AGBL3: variants seen among roughly 807,000 people sequenced by gnomAD.
AGBL3 encodes the protein cytosolic carboxypeptidase 3.
Under a neutral mutation model 94.5 loss-of-function variants are expected in AGBL3, and 68 were observed. The observed-to-expected ratio is 0.72, with a 90% CI of 0.59 to 0.88. The LOEUF (loss-of-function observed/expected upper bound fraction) is 0.88. AGBL3 is among the 40% of genes least tolerant of loss of function. The pLI, the probability that AGBL3 is intolerant of heterozygous loss-of-function variation, is 0.00. For missense variants in AGBL3, 934 were observed against 1,103.8 expected, an observed-to-expected ratio of 0.85 and a Z score of 2.18; for synonymous variants, 354 against 370.7, an observed-to-expected ratio of 0.95 and a Z score of 0.52.
chr7:134,995,690 G>A (rs1314320591), intron 4 of AGBL3: 1 of 152,298 alleles, frequency 6.6e-6, no homozygotes, highest in Non-Finnish European at 1.5e-5. Flanking sequence ...CCACCCTGGT[G>A]AAGGTGCAAC....
chr7:135,111,348 A>G (rs1417664482), intron 15 of AGBL3, among the ~76,000 whole-genome samples: 1 of 152,062 alleles, frequency 6.6e-6, no homozygotes, highest in Non-Finnish European at 1.5e-5. Flanking sequence ...TTCTCAACCT[A>G]CTGCTTGAGA....
At chr7:135,128,134 A>G (rs1332920062) in intron 16 of AGBL3, among the ~76,000 whole-genome samples, 1 of 151,870 alleles carries the variant, frequency 6.6e-6, no homozygotes, top group Non-Finnish European at 1.5e-5. Context: ...TCTACTAAAA[A>G]TACAAAAATT....
chr7:135,063,633 A>G (rs1050016528), intron 12 of AGBL3, among the ~76,000 whole-genome samples: 3 of 151,968 alleles, frequency 2.0e-5, no homozygotes, highest in Admixed American at 6.6e-5. Context: ...TTACTGACCC[A>G]TTGGCTGTTC....
intron 5 of AGBL3, among the ~76,000 whole-genome samples, chr7:135,028,251 A>T (rs1363631772): frequency 2.6e-5 from 4 of 150,976 alleles, no homozygotes; most frequent in Non-Finnish European, 5.9e-5. Flanking sequence ...GACATAATTG[A>T]CTCTTCATGA....
intron 15 of AGBL3, among the ~76,000 whole-genome samples, chr7:135,114,577 CCT>C (rs780645142): frequency 6.6e-6 from 1 of 151,696 alleles, no homozygotes; most frequent in Admixed American, 6.6e-5. Flanking sequence ...ACCACTGATT[CCT>C]CTCTTATTCT....
At chr7:135,129,014 C>T in intron 16 of AGBL3, 1 of 1,605,326 alleles carries the variant, frequency 6.2e-7, no homozygotes, top group Non-Finnish European at 8.5e-7. Context: ...GTCTGAAGGA[C>T]TACTTTGAAA....
At chr7:135,091,975 G>T (rs1002579032) in intron 15 of AGBL3, among the ~76,000 whole-genome samples, 1 of 152,188 alleles carries the variant, frequency 6.6e-6, no homozygotes, top group Non-Finnish European at 1.5e-5. Flanking sequence ...ATTTCTTAAA[G>T]AATTTAATCT....
At chr7:134,998,529 A>G (rs1487783484) in intron 4 of AGBL3, among the ~76,000 whole-genome samples, 2 of 152,178 alleles carry the variant, frequency 1.3e-5, no homozygotes, top group Non-Finnish European at 2.9e-5. Flanking sequence ...AAGAGTTGTT[A>G]GGCTTAGCCA....
intron 12 of AGBL3, among the ~76,000 whole-genome samples, chr7:135,068,575 A>G (rs529140625): frequency 3.3e-5 from 5 of 152,226 alleles, no homozygotes; most frequent in African/African-American, 1.2e-4. Context: ...AGTGGGGGCC[A>G]ATATTCAACA....
intron 16 of AGBL3, among the ~76,000 whole-genome samples, chr7:135,134,470 T>C (rs1346970832): frequency 6.6e-6 from 1 of 152,122 alleles, no homozygotes; most frequent in Non-Finnish European, 1.5e-5. Flanking sequence ...ACTGAATCCA[T>C]TCTAATAGAA....
chr7:135,115,393 CT>C lies in AGBL3; in HGVS notation c.2126del (p.Leu709Ter). On this transcript the variant is annotated frameshift_variant, in exon 16 of 17. Transcript: ENST00000436302. LOFTEE classifies it high-confidence loss of function. ...PNQGLDLHHN[L>X]KSKIKECISF... ...GTTGCTCCCCAGATCTGCACCACAA[CT>C]TAAAAAGCAAAATAAAAGAATGCAT... 6.4e-7 allele frequency: 1 copy of C among 1,550,434 alleles called. No individual in the cohort carries two copies. The highest frequency in any genetic ancestry group is 8.7e-7 in the Non-Finnish European group (1 of 1,146,412).
At chr7:134,998,737 T>A (rs552101222) in intron 4 of AGBL3, among the ~76,000 whole-genome samples, 1 of 152,158 alleles carries the variant, frequency 6.6e-6, no homozygotes, top group African/African-American at 2.4e-5. Context: ...GTTAGGCCCA[T>A]AGCAATTCCG....
chr7:134,996,558 A>T (rs1811039331), intron 4 of AGBL3, among the ~76,000 whole-genome samples: 1 of 152,218 alleles, frequency 6.6e-6, no homozygotes, highest in Admixed American at 6.5e-5. Flanking sequence ...ACAGTCATCT[A>T]TCTTGAAAGA....
chr7:135,098,183 C>T (rs1282297751), intron 15 of AGBL3, among the ~76,000 whole-genome samples: 3 of 152,090 alleles, frequency 2.0e-5, no homozygotes, highest in East Asian at 3.8e-4. Context: ...AAATACCTGC[C>T]GTTGCTAATA....
intron 4 of AGBL3, chr7:134,995,198 A>C (rs565707970): frequency 6.6e-6 from 1 of 152,142 alleles, no homozygotes; most frequent in African/African-American, 2.4e-5. Flanking sequence ...ACTTCTGCCT[A>C]ATTTCTCTCC....
chr7:135,053,649 A>G (rs1417348509), intron 11 of AGBL3, among the ~76,000 whole-genome samples: 1 of 152,174 alleles, frequency 6.6e-6, no homozygotes, highest in African/African-American at 2.4e-5. Flanking sequence ...CAAAGGATTC[A>G]GCCAAAGCTG....
intron 11 of AGBL3, among the ~76,000 whole-genome samples, chr7:135,047,799 A>AT (rs922695184): frequency 1.3e-5 from 2 of 151,352 alleles, no homozygotes; most frequent in Admixed American, 1.3e-4. Context: ...TAGTTTGCAC[A>AT]TTTTTTTTCC....
chr7:135,009,904 T>C (rs1465685869), intron 4 of AGBL3: 3 of 345,614 alleles, frequency 8.7e-6, no homozygotes, highest in African/African-American at 6.8e-5. Flanking sequence ...CAGGTTTCTG[T>C]CTTTTCGCAG....
At chr7:135,057,444 A>G (rs1420036965) in intron 11 of AGBL3, among the ~76,000 whole-genome samples, 1 of 150,152 alleles carries the variant, frequency 6.7e-6, no homozygotes, top group African/African-American at 2.4e-5. Flanking sequence ...GATGCTTGCC[A>G]TCATTTTCAT....
Sources: gnomAD v4.1 joint callset for allele counts (sites outside exome capture counted in the v4.1 genomes callset) on GRCh38, gnomAD v4.1.1 for gene constraint, MANE v1.5 for transcripts, NCBI Gene and HGNC (gene_info 2026-07-23, HGNC 2026-07-21) for gene names.